The following QKI variants were observed in gnomAD, a reference collection of about 807,000 sequenced individuals.
QKI encodes the protein QKI, KH domain containing RNA binding, also known as KH domain-containing RNA-binding protein QKI.
QKI carries 10 observed loss-of-function variants against 39.0 expected under a neutral mutation model. That is an observed-to-expected ratio of 0.26 (90% CI 0.16 to 0.43). The LOEUF is 0.43. Ranked by LOEUF, QKI falls within the 20% of genes least tolerant of loss-of-function variation. The pLI is 1.00. For synonymous variants in QKI, 204 were observed against 155.4 expected (o/e 1.31, Z -2.33); for missense variants, 218 against 428.0 (o/e 0.51, Z 4.33).
rs563025245 is a variant in QKI, at chr6:163,429,285, A to G, written c.142+13950A>G. ...TATTGGGAAAAACTAAAATATATCA[A>G]TTAAAAAGTTAAAAGTACTCATCAT... is the stretch of plus-strand genomic sequence containing the variant. On this transcript the variant is annotated intron_variant, in intron 1 of 7. Coordinates refer to ENST00000361752, the MANE Select transcript of QKI (RefSeq NM_006775.3). Among the ~76,000 whole-genome samples, 4 of 152,292 alleles carry G rather than the reference A, an allele frequency of 2.6e-5. No homozygotes were observed. The East Asian group carries it at 7.7e-4, about 29-fold the overall frequency.
chr6:163,553,207 G>C (rs1782374934), intron 4 of QKI, among the ~76,000 whole-genome samples: 1 of 151,646 alleles, frequency 6.6e-6, no homozygotes, highest in African/African-American at 2.4e-5. Context: ...GGGTTCAAGC[G>C]ATTCTCCTGC....
At chr6:163,549,132 C>T (rs553140059) in intron 4 of QKI, among the ~76,000 whole-genome samples, 45 of 151,856 alleles carry the variant, frequency 3.0e-4, no homozygotes, top group South Asian at 8.3e-4. Context: ...CTTCACAGGG[C>T]GGCAGGAAAG....
In QKI at chr6:163,420,524, G is replaced by GT. The variant is rs368834068; in HGVS notation, c.142+5190dup. 2.3e-3 allele frequency among the ~76,000 whole-genome samples: 352 copies of GT among 152,174 alleles called. 1 individual carries two copies. The highest frequency in any genetic ancestry group is 8.2e-3 in the African/African-American group (342 of 41,522). ...AAGGCCAAGGGATGGGGAGTGGTGA[G>GT]TGGGCCTATGTTAGGAGGTCACACA... On this transcript the variant is annotated intron_variant, in intron 1 of 7. Coordinates refer to ENST00000361752, the MANE Select transcript of QKI (RefSeq NM_006775.3).
chr6:163,568,537 A>G (rs1178727952), intron 7 of QKI: 21 of 981,022 alleles, frequency 2.1e-5, no homozygotes, highest in Non-Finnish European at 2.5e-5. Flanking sequence ...TATACTTATC[A>G]CTGTATGCAC....
At chr6:163,436,723 G>A (rs1273375835) in intron 1 of QKI, among the ~76,000 whole-genome samples, 1 of 143,594 alleles carries the variant, frequency 7.0e-6, no homozygotes, top group Non-Finnish European at 1.5e-5. Context: ...CTGGGAGGCC[G>A]AGGTTGCAGT....
chr6:163,477,515 G>T (rs1325024171), intron 2 of QKI, among the ~76,000 whole-genome samples: 1 of 152,136 alleles, frequency 6.6e-6, no homozygotes, highest in Non-Finnish European at 1.5e-5. Flanking sequence ...TTTAGGTTGG[G>T]TAAAGAGGTA....
rs1308858064 is a variant in QKI at position 163,415,230 on chromosome 6, C to T, written c.37C>T (p.Pro13Ser). The stretch of plus-strand genomic sequence containing the variant: ...AATGGAAACGAAGGAGAAGCCGAAG[C>T]CCACCCCAGATTACCTGATGCAGCT... ...GEMETKEKPK[P>S]TPDYLMQLMN... is the part of the protein sequence containing the mutation. The change falls in exon 1 of 8, where the codon CCC becomes TCC. Residue 13 changes from proline to serine, a missense_variant. Pro to Ser is a moderately conservative substitution (Grantham distance 74). Around this residue, in one of 3 missense-constraint regions of QKI, gnomAD observed 40 missense variants for 48.7 expected, o/e 0.82. Coordinates refer to ENST00000361752, the MANE Select transcript of QKI (RefSeq NM_006775.3). 6.3e-7 allele frequency: 1 copy of T among 1,596,342 alleles called. No individual in the cohort carries two copies. Among genetic ancestry groups the T allele is most frequent in the Non-Finnish European group, 8.6e-7 (1 of 1,169,244 alleles).
intron 4 of QKI, among the ~76,000 whole-genome samples, chr6:163,539,996 G>A (rs1041253914): frequency 6.6e-6 from 1 of 150,754 alleles, no homozygotes. Flanking sequence ...TGATACTTAC[G>A]TAACATGAGA....
At chr6:163,557,285 A>G (rs1482589727) in intron 4 of QKI, among the ~76,000 whole-genome samples, 7 of 152,182 alleles carry the variant, frequency 4.6e-5, no homozygotes, top group Non-Finnish European at 1.0e-4. Context: ...TTAGGGCTTG[A>G]GGTACAAGGA....
chr6:163,558,922 C>T (rs1356613730), intron 4 of QKI, among the ~76,000 whole-genome samples: 2 of 152,114 alleles, frequency 1.3e-5, no homozygotes, highest in Non-Finnish European at 2.9e-5. Context: ...CCAGCAACAC[C>T]ATATGGCAGA....
intron 1 of QKI, among the ~76,000 whole-genome samples, chr6:163,431,808 A>AC (rs1248140685): frequency 3.8e-5 from 3 of 79,636 alleles, no homozygotes; most frequent in African/African-American, 1.5e-4. Context: ...TGTAAAAAAA[A>AC]AAAAACAAAA....
rs1562565203 is a variant in QKI at position 163,576,044 on chromosome 6, AT to A, written c.*5339del. The A allele has an allele frequency of 1.3e-5, 2 of 152,074 alleles. No individual in the cohort carries two copies. The highest frequency in any genetic ancestry group is 4.8e-5 in the African/African-American group (2 of 41,416). The allele number at this position is 152,074 out of a possible 1,614,324, so 9.4% of individuals were successfully genotyped here. On this transcript the variant is annotated 3_prime_UTR_variant, in exon 8 of 8. Transcript: ENST00000361752. ...TATTCTCCAACTTTTCGAATTCACAATTTTTCTAAGTGCATAGAGTAGTTTT... is the reference window on the plus strand; with the variant it reads ...TATTCTCCAACTTTTCGAATTCACAATTTTCTAAGTGCATAGAGTAGTTTT...
intron 7 of QKI, chr6:163,567,410 C>T (rs946495961): frequency 5.6e-5 from 55 of 985,436 alleles, no homozygotes; most frequent in African/African-American, 7.0e-5. Context: ...TTTATTCTTA[C>T]ATTCTCTTGC....
At chr6:163,521,336 A>G (rs968793620) in intron 3 of QKI, among the ~76,000 whole-genome samples, 3 of 152,194 alleles carry the variant, frequency 2.0e-5, no homozygotes, top group African/African-American at 7.2e-5. Context: ...AATTAGAAGG[A>G]TAATCTTACA....
chr6:163,526,558 C>T (rs1780530245), intron 3 of QKI, among the ~76,000 whole-genome samples: 1 of 152,124 alleles, frequency 6.6e-6, no homozygotes, highest in African/African-American at 2.4e-5. Flanking sequence ...AAAGGATTTC[C>T]CAACAATCAT....
intron 3 of QKI, among the ~76,000 whole-genome samples, chr6:163,524,576 C>T (rs1290272925): frequency 3.3e-5 from 5 of 152,100 alleles, no homozygotes; most frequent in Non-Finnish European, 5.9e-5. Context: ...TCAAGCGATT[C>T]TCCTGCCTCA....
chr6:163,498,631 GTAA>G (rs1183786051), intron 3 of QKI, among the ~76,000 whole-genome samples: 6 of 151,892 alleles, frequency 4.0e-5, no homozygotes, highest in African/African-American at 1.5e-4. Flanking sequence ...TTAAGTTGGA[GTAA>G]TTCCCCAGAC....
At chr6:163,499,845 T>C (rs1276352737) in intron 3 of QKI, among the ~76,000 whole-genome samples, 1 of 152,200 alleles carries the variant, frequency 6.6e-6, no homozygotes, top group African/African-American at 2.4e-5. Context: ...TTTAGGAAGA[T>C]AGAAGCTAAA....
chr6:163,424,641 A>ATT lies in QKI; in HGVS notation c.142+9321_142+9322dup, dbSNP rs113916256. ...TAGCAGCATCACTGCTTGGTTTTTA[A>ATT]TTTTTTTTTTTTTTTTAATTTTGTG... On this transcript the variant is annotated intron_variant, in intron 1 of 7. Coordinates refer to ENST00000361752, the MANE Select transcript of QKI (RefSeq NM_006775.3). 5.0e-3 allele frequency among the ~76,000 whole-genome samples: 728 copies of ATT among 144,846 alleles called. 3 individuals are homozygous for ATT. Among genetic ancestry groups the ATT allele is most frequent in the Middle Eastern group, 0.025 (7 of 278 alleles).
Sources: allele counts gnomAD v4.1 joint callset (sites outside exome capture counted in the v4.1 genomes callset), GRCh38; gene constraint gnomAD v4.1.1; regional missense constraint gnomAD v4.1.1; transcripts MANE v1.5; gene names NCBI Gene and HGNC (gene_info 2026-07-23, HGNC 2026-07-21).